NCALD: variants seen among roughly 807,000 people sequenced by gnomAD.
NCALD encodes neurocalcin-delta.
In NCALD, 10 loss-of-function variants were observed where a neutral mutation model predicts 18.6. The observed-to-expected ratio is 0.54, with a 90% CI of 0.33 to 0.91. NCALD has a LOEUF of 0.91. Among genes scored for constraint, NCALD ranks in the 40% least tolerant of loss-of-function variants. The probability of loss-of-function intolerance (pLI) is 0.03; values close to 1 mark genes in which losing one functional copy is unlikely to be tolerated. For missense variants in NCALD, 184 were observed against 247.6 expected (o/e 0.74, Z 1.72); for synonymous variants, 88 against 87.4 (o/e 1.01, Z -0.04).
chr8:101,784,809 T>A (rs1042103351), intron 1 of NCALD, among the ~76,000 whole-genome samples: 7 of 152,002 alleles, frequency 4.6e-5, no homozygotes, highest in South Asian at 4.2e-4. Context: ...TAAAAAAAAA[T>A]TTTTTTAATG....
At chr8:102,117,893 C>T (rs1825838302) in intron 1 of NCALD, among the ~76,000 whole-genome samples, 1 of 152,170 alleles carries the variant, frequency 6.6e-6, no homozygotes, top group Non-Finnish European at 1.5e-5. Flanking sequence ...CTTCCAGATC[C>T]AGCTGCATAT....
intron 4 of NCALD, among the ~76,000 whole-genome samples, chr8:101,832,688 A>G (rs1018102411): frequency 7.2e-5 from 11 of 152,226 alleles, no homozygotes; most frequent in Admixed American, 3.9e-4. Context: ...GGGACTTAAT[A>G]CACGTTTGAG....
At chr8:102,068,319 C>T (rs1478752788) in intron 1 of NCALD, among the ~76,000 whole-genome samples, 1 of 152,172 alleles carries the variant, frequency 6.6e-6, no homozygotes, top group African/African-American at 2.4e-5. Flanking sequence ...GGTGTCCTGG[C>T]CTTTACCTCC....
chr8:102,042,963 A>G (rs1823105938), intron 1 of NCALD, among the ~76,000 whole-genome samples: 1 of 151,842 alleles, frequency 6.6e-6, no homozygotes. Flanking sequence ...TTCCATTCCA[A>G]TGTGGAAGAG....
intron 2 of NCALD, 126 bp downstream of exon 2, chr8:101,719,126 G>T: frequency 1.8e-6 from 2 of 1,108,550 alleles, no homozygotes; most frequent in Non-Finnish European, 2.6e-6. Context: ...AACATGCAGG[G>T]TGGGCCAAAT....
intron 2 of NCALD, among the ~76,000 whole-genome samples, chr8:101,980,750 G>A (rs1265956884): frequency 6.6e-6 from 1 of 152,208 alleles, no homozygotes; most frequent in Non-Finnish European, 1.5e-5. Flanking sequence ...CTAATGCTGT[G>A]CAAAAATAGA....
At chr8:101,690,209 T>C in intron 3 of NCALD, 1 of 590,522 alleles carries the variant, frequency 1.7e-6, no homozygotes, top group African/African-American at 2.8e-5. Context: ...GGGGAGGGGG[T>C]GGGGTAGGAG....
intron 4 of NCALD, among the ~76,000 whole-genome samples, chr8:101,801,652 T>C (rs1367767494): frequency 4.2e-5 from 3 of 71,552 alleles, no homozygotes; most frequent in Non-Finnish European, 6.9e-5. Context: ...ACTTTTTTTT[T>C]TTTTTTTTTT....
intron 2 of NCALD, among the ~76,000 whole-genome samples, chr8:102,015,615 A>G (rs1298300285): frequency 1.3e-5 from 2 of 152,188 alleles, no homozygotes; most frequent in East Asian, 3.8e-4. Context: ...CAACAAGAAA[A>G]GCTTCATAAT....
At chr8:101,721,062 A>C (rs1000279783) in intron 1 of NCALD, among the ~76,000 whole-genome samples, 3 of 152,198 alleles carry the variant, frequency 2.0e-5, no homozygotes, top group African/African-American at 4.8e-5. Context: ...GAGGTGATAT[A>C]CGAGATTAGT....
At chr8:101,694,676 G>A (rs548729130) in intron 2 of NCALD, among the ~76,000 whole-genome samples, 22 of 152,258 alleles carry the variant, frequency 1.4e-4, no homozygotes, top group African/African-American at 5.1e-4. Flanking sequence ...TCACTGAAGT[G>A]TGCTCTGGAG....
At chr8:101,763,468 C>T (rs189018351) in intron 1 of NCALD, among the ~76,000 whole-genome samples, 1 of 152,278 alleles carries the variant, frequency 6.6e-6, no homozygotes, top group Admixed American at 6.5e-5. Context: ...TACAGAGTCA[C>T]ATTTGCCCAA....
At chr8:102,035,184 T>C (rs1254697220) in intron 1 of NCALD, among the ~76,000 whole-genome samples, 2 of 152,072 alleles carry the variant, frequency 1.3e-5, no homozygotes, top group African/African-American at 2.4e-5. Flanking sequence ...AGTAATGTAC[T>C]TTTTGATCAC....
intron 4 of NCALD, among the ~76,000 whole-genome samples, chr8:101,803,526 C>A (rs1812945953): frequency 6.6e-6 from 1 of 152,114 alleles, no homozygotes; most frequent in Admixed American, 6.6e-5. Flanking sequence ...TTTCATAAGA[C>A]CATAGCTCTT....
chr8:101,995,751 C>G (rs1256871952), intron 2 of NCALD, among the ~76,000 whole-genome samples: 20 of 152,168 alleles, frequency 1.3e-4, no homozygotes, highest in Admixed American at 1.3e-3. Context: ...AGACATATAT[C>G]CAAACTATAT....
chr8:101,694,219 G>A (rs1075791), intron 2 of NCALD: 79,385 of 151,960 alleles, frequency 0.52, 22,500 homozygotes, highest in Non-Finnish European at 0.65. Flanking sequence ...AAATTTCAGA[G>A]AGTTCTGGAG....
At chr8:101,967,210 T>C (rs1259897420) in intron 2 of NCALD, among the ~76,000 whole-genome samples, 1 of 152,186 alleles carries the variant, frequency 6.6e-6, no homozygotes. Context: ...ATTTTAGCAG[T>C]TGATTCATGA....
intron 2 of NCALD, among the ~76,000 whole-genome samples, chr8:101,701,767 C>T (rs1047795847): frequency 1.6e-4 from 25 of 152,282 alleles, no homozygotes; most frequent in Admixed American, 1.3e-4. Context: ...CAGACACCCA[C>T]GTCTCTCTGA....
chr8:101,785,896 G>A (rs1812206154), intron 1 of NCALD: 1 of 152,220 alleles, frequency 6.6e-6, no homozygotes, highest in Non-Finnish European at 1.5e-5. Context: ...GCTCACAAAT[G>A]AGGCCGGCTG....
Sources: allele counts gnomAD v4.1 joint callset (sites outside exome capture counted in the v4.1 genomes callset), GRCh38; gene constraint gnomAD v4.1.1; transcripts MANE v1.5; gene names NCBI Gene and HGNC (gene_info 2026-07-23, HGNC 2026-07-21).